EPG5: variants seen among roughly 807,000 people sequenced by gnomAD.
The protein encoded by EPG5 is ectopic P granules protein 5 homolog.
A neutral mutation model predicts 302.7 loss-of-function variants in EPG5; 159 were observed. The observed-to-expected ratio is 0.53, with a 90% confidence interval of 0.46 to 0.60. EPG5 has a LOEUF of 0.60. Ranked by LOEUF, EPG5 falls within the 20% of genes least tolerant of loss-of-function variation. The pLI, the probability that EPG5 is intolerant of heterozygous loss-of-function variation, is 0.00. For synonymous variants in EPG5, 1,158 were observed against 1,136.8 expected, an observed-to-expected ratio of 1.02 and a Z score of -0.37; for missense variants, 2,896 against 3,092.4, an observed-to-expected ratio of 0.94 and a Z score of 1.51.
chr18:45,822,246 A>G, the EPG5 span, among the ~76,000 whole-genome samples: 2 of 152,236 alleles, frequency 1.3e-5, no homozygotes, highest in African/African-American at 4.8e-5. Context: ...CATTCGTGGC[A>G]ACATAGATAG....
chr18:45,829,962 C>T, the EPG5 span, among the ~76,000 whole-genome samples: 9 of 152,226 alleles, frequency 5.9e-5, no homozygotes, highest in South Asian at 2.1e-4. Flanking sequence ...TATTCCACCA[C>T]GACTACCACG....
At chr18:45,826,874 C>T in the EPG5 span, among the ~76,000 whole-genome samples, 1 of 152,164 alleles carries the variant, frequency 6.6e-6, no homozygotes, top group African/African-American at 2.4e-5. Flanking sequence ...TTTAGTAACT[C>T]ACATAAGGCT....
At chr18:45,939,956 A>C (rs2050625183) in intron 9 of EPG5, among the ~76,000 whole-genome samples, 1 of 152,210 alleles carries the variant, frequency 6.6e-6, no homozygotes, top group Admixed American at 6.5e-5. Context: ...AAGGGCAAAG[A>C]GACAACAAAT....
chr18:45,856,997 C>T (rs56156240), intron 42 of EPG5, among the ~76,000 whole-genome samples: 6,636 of 152,182 alleles, frequency 0.044, 239 homozygotes, highest in East Asian at 0.17. Flanking sequence ...CGGCTGACTG[C>T]AACCTCTGCC....
chr18:45,936,955 T>C (rs1166265892), intron 10 of EPG5, among the ~76,000 whole-genome samples: 1 of 152,006 alleles, frequency 6.6e-6, no homozygotes, highest in Non-Finnish European at 1.5e-5. Context: ...AACAGGCAAC[T>C]GGTAGTTCAA....
At chr18:45,812,113 T>A in the EPG5 span, among the ~76,000 whole-genome samples, 2 of 152,308 alleles carry the variant, frequency 1.3e-5, no homozygotes, top group East Asian at 3.9e-4. Context: ...AGCATTCTTA[T>A]ACACCAATAA....
chr18:45,957,461 T>C (rs1289390642), intron 1 of EPG5, among the ~76,000 whole-genome samples: 2 of 152,214 alleles, frequency 1.3e-5, no homozygotes, highest in African/African-American at 2.4e-5. Flanking sequence ...GCCCAAACTA[T>C]GCTGCAATGA....
intron 4 of EPG5, among the ~76,000 whole-genome samples, chr18:45,950,261 G>A (rs1193342086): frequency 6.6e-6 from 1 of 152,088 alleles, no homozygotes. Flanking sequence ...TTGGTGATAT[G>A]GTTTGGATGT....
chr18:45,903,050 G>A (rs2049657240), intron 25 of EPG5, among the ~76,000 whole-genome samples: 1 of 152,164 alleles, frequency 6.6e-6, no homozygotes, highest in South Asian at 2.1e-4. Flanking sequence ...AGGCAACATA[G>A]AAACACTATG....
At chr18:45,868,481 G>A (rs2048796317) in intron 36 of EPG5, among the ~76,000 whole-genome samples, 1 of 151,706 alleles carries the variant, frequency 6.6e-6, no homozygotes, top group African/African-American at 2.4e-5. Context: ...GGGATTACAG[G>A]TGCCTGCCAC....
chr18:45,842,097 T>C, the EPG5 span: 2 of 1,614,040 alleles, frequency 1.2e-6, no homozygotes, highest in Admixed American at 3.3e-5. Context: ...AACTTTCTCC[T>C]GTCCACAGGT....
chr18:45,854,417 C>T (rs1274038585), intron 43 of EPG5, among the ~76,000 whole-genome samples: 2 of 152,228 alleles, frequency 1.3e-5, no homozygotes, highest in Non-Finnish European at 1.5e-5. Context: ...CTTACAGAGA[C>T]AGCCCTGCAG....
chr18:45,871,466 G>T (rs1429214288), intron 35 of EPG5, among the ~76,000 whole-genome samples: 1 of 152,210 alleles, frequency 6.6e-6, no homozygotes, highest in Non-Finnish European at 1.5e-5. Context: ...AGGGAGAAGG[G>T]ATAACCACAC....
chr18:45,805,354 A>G, the EPG5 span, among the ~76,000 whole-genome samples: 1 of 151,852 alleles, frequency 6.6e-6, no homozygotes. Flanking sequence ...AGAGGTATAC[A>G]GGAACTCTCT....
At position 45,916,449 on chromosome 18, in the gene EPG5, T is replaced by C; in HGVS notation, c.3373A>G (p.Ser1125Gly). 1.9e-6 allele frequency: 3 copies of C among 1,612,310 alleles called. No homozygotes were observed. Among genetic ancestry groups the C allele is most frequent in the Non-Finnish European group, 1.7e-6 (2 of 1,178,534 alleles). Residue 1125 changes from serine (S) to glycine (G), a missense_variant, in exon 18 of 44, where the codon AGC (serine) becomes GGC (glycine). Coordinates refer to ENST00000282041, the MANE Select transcript of EPG5 (RefSeq NM_020964.3). ...SHGDNVKLLN[S>G]MIQAHISVST... is the part of the protein sequence containing the mutation. Reference sequence around the variant, plus strand: ...TGCAAGGCCCTCACCTGGATCATGCTGTTGAGAAGCTTCACGTTGTCCCCA... The same window carrying C: ...TGCAAGGCCCTCACCTGGATCATGCCGTTGAGAAGCTTCACGTTGTCCCCA...
chr18:45,947,655 C>T (rs1198499099), intron 6 of EPG5, among the ~76,000 whole-genome samples: 2 of 152,194 alleles, frequency 1.3e-5, no homozygotes, highest in Admixed American at 6.5e-5. Flanking sequence ...TTGCTTCAGC[C>T]ACACTGATCT....
chr18:45,889,774 A>G (rs1241861846), intron 28 of EPG5, 24 bp downstream of exon 28: 1 of 1,590,858 alleles, frequency 6.3e-7, no homozygotes, highest in Non-Finnish European at 8.6e-7. Context: ...CAGTATTTCA[A>G]ATTATAATGC....
chr18:45,846,478 G>A (rs1309364713), downstream of EPG5, among the ~76,000 whole-genome samples: 2 of 128,780 alleles, frequency 1.6e-5, no homozygotes, highest in Non-Finnish European at 1.5e-5. Flanking sequence ...CCGAGATCGC[G>A]CCACTGCACT....
chr18:45,902,112 T>A (rs1796126091), intron 25 of EPG5, among the ~76,000 whole-genome samples: 1 of 152,236 alleles, frequency 6.6e-6, no homozygotes, highest in African/African-American at 2.4e-5. Context: ...GGGACTACAG[T>A]GAATTTCCGA....
Sources: gnomAD v4.1 joint callset for allele counts (sites outside exome capture counted in the v4.1 genomes callset) on GRCh38, gnomAD v4.1.1 for gene constraint, MANE v1.5 for transcripts, NCBI Gene and HGNC (gene_info 2026-07-23, HGNC 2026-07-21) for gene names.